RPAP2: variants seen among roughly 807,000 people sequenced by gnomAD.
The protein encoded by RPAP2 is putative RNA polymerase II subunit B1 CTD phosphatase RPAP2.
Under a neutral mutation model 73.1 loss-of-function variants are expected in RPAP2, and 52 were observed. The ratio of observed to expected loss-of-function variants is 0.71; its 90% CI spans 0.57 to 0.90. RPAP2 has a LOEUF of 0.90. RPAP2 is among the 40% of genes least tolerant of loss of function. RPAP2 has a pLI of 0.00. For synonymous variants in RPAP2, 225 were observed against 242.1 expected (o/e 0.93, Z 0.65); for missense variants, 598 against 701.8 (o/e 0.85, Z 1.67).
At chr1:92,373,747 A>AT (rs1420361738) in intron 11 of RPAP2, among the ~76,000 whole-genome samples, 15 of 136,818 alleles carry the variant, frequency 1.1e-4, no homozygotes, top group Non-Finnish European at 2.0e-4. Flanking sequence ...AATAAAAAAA[A>AT]AAAAAAAAAA....
chr1:92,315,371 A>G (rs1362066357), intron 6 of RPAP2, among the ~76,000 whole-genome samples: 2 of 152,224 alleles, frequency 1.3e-5, no homozygotes, highest in African/African-American at 2.4e-5. Flanking sequence ...ATTACCACAT[A>G]TTACTATAAC....
chr1:92,334,994 AT>A (rs1208423309), intron 9 of RPAP2, among the ~76,000 whole-genome samples: 6 of 152,096 alleles, frequency 3.9e-5, no homozygotes, highest in African/African-American at 1.4e-4. Context: ...TCTCAAAAAA[AT>A]AAATAAAAAT....
chr1:92,345,735 TA>T, intron 10 of RPAP2, 110 bp from the exon 11 acceptor site: 22 of 644,396 alleles, frequency 3.4e-5, no homozygotes, highest in Non-Finnish European at 4.5e-5. Context: ...ACAAGTATTT[TA>T]AAAAAAAGTG....
Position 92,395,843 on chromosome 1 carries a change from G to C in RPAP2, c.*8832G>C, listed in dbSNP as rs944324606. On this transcript the variant is annotated 3_prime_UTR_variant, in exon 13 of 13. Transcript: ENST00000610020. The stretch of plus-strand genomic sequence containing the variant: ...ATATACAAATTGCTTAGCATATGAA[G>C]AGATGTGTACTATCACTAGTCATTA... The C allele has an allele frequency of 6.6e-6, 1 of 152,146 alleles. No homozygotes were observed. The highest frequency in any genetic ancestry group is 2.4e-5 in the African/African-American group (1 of 41,442). The allele number at this position is 152,146 out of a possible 1,614,324, so 9.4% of individuals were successfully genotyped here.
At chr1:92,357,872 T>A (rs1389855531) in intron 11 of RPAP2, among the ~76,000 whole-genome samples, 2 of 152,202 alleles carry the variant, frequency 1.3e-5, no homozygotes, top group Non-Finnish European at 2.9e-5. Flanking sequence ...CTTAATTCAG[T>A]GGGTAATGAA....
chr1:92,380,765 G>T lies in RPAP2; in HGVS notation c.1730G>T (p.Gly577Val). ...GGCATTCAGAAACATTCTCAGGAAG[G>T]TATGGTGTTTACACGGTTTCTAGAC... Reference protein sequence around the residue: ...ILGIQKHSQEGMVFTRFLDTL... With the variant: ...ILGIQKHSQEVMVFTRFLDTL... The change falls in exon 12 of 13, where the codon GGT (glycine) becomes GTT (valine). Residue 577 changes from glycine to valine, a missense_variant. Gly to Val is a moderately radical substitution (Grantham distance 109). Coordinates refer to ENST00000610020, the MANE Select transcript of RPAP2 (RefSeq NM_024813.3). The T allele has an allele frequency of 6.3e-7, 1 of 1,597,602 alleles. No homozygotes were observed. Among genetic ancestry groups the T allele is most frequent in the Non-Finnish European group, 8.5e-7 (1 of 1,175,244 alleles).
rs1191723075 is a variant in RPAP2 at position 92,307,296 on chromosome 1, A to T, written c.488+20A>T. On this transcript the variant is annotated intron_variant, in intron 6 of 12. Transcript: ENST00000610020. ...AGAGAGGTAATTTAAGTCATTGTGT[A>T]TATACATTTGTTCATATATTCTAAT... The T allele has an allele frequency of 6.7e-7, 1 of 1,493,718 alleles. No homozygotes were observed. Among genetic ancestry groups the T allele is most frequent in the African/African-American group, 1.4e-5 (1 of 71,942 alleles). The allele number at this position is 1,493,718 out of a possible 1,614,324, so 92.5% of individuals were successfully genotyped here.
At chr1:92,304,496 T>A in intron 5 of RPAP2, 147 bp downstream of exon 5, 1 of 500,138 alleles carries the variant, frequency 2.0e-6, no homozygotes, top group Non-Finnish European at 3.4e-6. Flanking sequence ...ATAGTGATGT[T>A]AAAAGTTTGA....
intron 8 of RPAP2, among the ~76,000 whole-genome samples, chr1:92,329,438 A>C (rs1282953709): frequency 2.0e-5 from 3 of 151,932 alleles, no homozygotes; most frequent in Non-Finnish European, 2.9e-5. Flanking sequence ...GGCCAGACTC[A>C]CTCCCACCGT....
chr1:92,300,175 G>T lies in RPAP2; in HGVS notation c.74-19G>T. 1 of 1,581,720 alleles carries T rather than the reference G, an allele frequency of 6.3e-7. No individual in the cohort carries two copies. Among genetic ancestry groups the T allele is most frequent in the South Asian group, 1.1e-5 (1 of 90,002 alleles). ...ACGGAAATGTCATTATGTAGCACAT[G>T]ACTGTATTTTTATTGTAGGTACTAA... On this transcript the variant is annotated intron_variant, in intron 1 of 12. Transcript: ENST00000610020.
At chr1:92,342,594 T>G (rs1398821882) in intron 10 of RPAP2, among the ~76,000 whole-genome samples, 1 of 152,174 alleles carries the variant, frequency 6.6e-6, no homozygotes, top group Non-Finnish European at 1.5e-5. Context: ...TTACAACAGA[T>G]GGGCCGAGGC....
chr1:92,366,731 A>G, intron 11 of RPAP2, among the ~76,000 whole-genome samples: 1 of 152,246 alleles, frequency 6.6e-6, no homozygotes, highest in East Asian at 1.9e-4. Flanking sequence ...TACAGATAAA[A>G]TTCCTTTTGA....
At chr1:92,334,291 T>G (rs578136689) in intron 9 of RPAP2, among the ~76,000 whole-genome samples, 14 of 152,280 alleles carry the variant, frequency 9.2e-5, no homozygotes, top group African/African-American at 3.4e-4. Flanking sequence ...AGCTGTTGGG[T>G]TTTTTTCTCA....
chr1:92,357,852 G>A (rs908484593), intron 11 of RPAP2, among the ~76,000 whole-genome samples: 1 of 152,198 alleles, frequency 6.6e-6, no homozygotes, highest in African/African-American at 2.4e-5. Flanking sequence ...ATTCTTTAAT[G>A]GCAGACAAAC....
At chr1:92,307,585 ATG>A (rs1557590426) in intron 6 of RPAP2, among the ~76,000 whole-genome samples, 1 of 152,168 alleles carries the variant, frequency 6.6e-6, no homozygotes, top group African/African-American at 2.4e-5. Context: ...TGGAGGAAGA[ATG>A]TTAAATTTTT....
At chr1:92,344,816 A>T (rs954990044) in intron 10 of RPAP2, among the ~76,000 whole-genome samples, 2 of 152,076 alleles carry the variant, frequency 1.3e-5, no homozygotes, top group Admixed American at 6.5e-5. Context: ...AATTTCTCAA[A>T]TTATTAGTGA....
At chr1:92,382,829 A>G (rs1655702944) in intron 12 of RPAP2, among the ~76,000 whole-genome samples, 1 of 152,122 alleles carries the variant, frequency 6.6e-6, no homozygotes, top group East Asian at 1.9e-4. Flanking sequence ...TGTTTTAGAC[A>G]TGAAGTCCTT....
At chr1:92,355,683 C>T (rs1654428309) in intron 11 of RPAP2, among the ~76,000 whole-genome samples, 1 of 152,144 alleles carries the variant, frequency 6.6e-6, no homozygotes, top group Non-Finnish European at 1.5e-5. Flanking sequence ...TGACATTATA[C>T]AGGTTAAGTA....
chr1:92,301,105 G>C (rs774784608), intron 2 of RPAP2, among the ~76,000 whole-genome samples: 5 of 152,174 alleles, frequency 3.3e-5, no homozygotes, highest in Non-Finnish European at 7.3e-5. Flanking sequence ...CATACAAAGA[G>C]TATATAAAGA....
Sources: allele counts gnomAD v4.1 joint callset (sites outside exome capture counted in the v4.1 genomes callset), GRCh38; gene constraint gnomAD v4.1.1; transcripts MANE v1.5; gene names NCBI Gene and HGNC (gene_info 2026-07-23, HGNC 2026-07-21).